The following NAALADL2 variants were observed in gnomAD, a reference collection of about 807,000 sequenced individuals.
NAALADL2 encodes inactive N-acetylated-alpha-linked acidic dipeptidase-like protein 2.
Under a neutral mutation model 87.2 loss-of-function variants are expected in NAALADL2, and 76 were observed. The observed-to-expected ratio is 0.87, with a 90% CI of 0.72 to 1.05. NAALADL2 has a LOEUF of 1.05. Ranked by LOEUF, NAALADL2 falls within the 50% of genes least tolerant of loss-of-function variation. NAALADL2 has a pLI of 0.00. For synonymous variants in NAALADL2, 354 were observed against 331.0 expected, an observed-to-expected ratio of 1.07 and a Z score of -0.75; for missense variants, 1,089 against 945.8, an observed-to-expected ratio of 1.15 and a Z score of -1.99.
chr3:175,793,327 G>A (rs142426436), intron 13 of NAALADL2, among the ~76,000 whole-genome samples: 1,993 of 109,396 alleles, frequency 0.018, 57 homozygotes, highest in African/African-American at 0.069. Flanking sequence ...TTTTTTTTTC[G>A]AGACGGAGTC....
intron 5 of NAALADL2, among the ~76,000 whole-genome samples, chr3:175,338,646 C>T (rs1400751642): frequency 7.2e-6 from 1 of 139,592 alleles, no homozygotes; most frequent in Non-Finnish European, 1.5e-5. Context: ...CACACACACA[C>T]ACACACACAC....
intron 2 of NAALADL2, among the ~76,000 whole-genome samples, chr3:175,150,515 C>T (rs1301058028): frequency 1.3e-5 from 2 of 152,104 alleles, no homozygotes; most frequent in Non-Finnish European, 2.9e-5. Flanking sequence ...ATGGTGAGTG[C>T]ACCCACAAAA....
chr3:175,392,284 C>T (rs1489323320), intron 5 of NAALADL2, among the ~76,000 whole-genome samples: 1 of 152,102 alleles, frequency 6.6e-6, no homozygotes. Flanking sequence ...TACTTAGAAA[C>T]GTTAAAGCTG....
chr3:175,279,000 A>C (rs1753941919), intron 4 of NAALADL2, among the ~76,000 whole-genome samples: 1 of 152,192 alleles, frequency 6.6e-6, no homozygotes, highest in Non-Finnish European at 1.5e-5. Context: ...AGATGAAGTG[A>C]GCATACGGTT....
chr3:175,088,871 C>CT (rs1335608452), intron 1 of NAALADL2, among the ~76,000 whole-genome samples: 2 of 152,266 alleles, frequency 1.3e-5, no homozygotes, highest in East Asian at 3.9e-4. Context: ...TTGAAGCCTT[C>CT]TTTTTCCAGT....
At chr3:174,477,517 G>T (rs1301676652) in intron 1 of NAALADL2, among the ~76,000 whole-genome samples, 1 of 152,182 alleles carries the variant, frequency 6.6e-6, no homozygotes, top group Admixed American at 6.5e-5. Context: ...AAAACATCAT[G>T]TTGGGTGAAA....
chr3:175,131,943 G>T (rs1728020260), intron 2 of NAALADL2, among the ~76,000 whole-genome samples: 1 of 122,624 alleles, frequency 8.2e-6, no homozygotes, highest in African/African-American at 3.2e-5. Context: ...AGTAGGGGTG[G>T]CCGGGCAGAG....
chr3:174,588,780 G>A (rs1483001729), intron 2 of NAALADL2, among the ~76,000 whole-genome samples: 5 of 152,112 alleles, frequency 3.3e-5, no homozygotes, highest in Admixed American at 2.6e-4. Flanking sequence ...AGTGTCAATC[G>A]GCCCCTACTG....
intron 2 of NAALADL2, among the ~76,000 whole-genome samples, chr3:175,109,910 CT>C (rs1420240272): frequency 3.3e-5 from 5 of 151,958 alleles, no homozygotes; most frequent in African/African-American, 1.2e-4. Context: ...TCCCCTGTTG[CT>C]GAATTTCTAT....
chr3:174,792,990 A>C (rs1044031771), intron 3 of NAALADL2, among the ~76,000 whole-genome samples: 1 of 152,076 alleles, frequency 6.6e-6, no homozygotes. Flanking sequence ...AAAAATAGTC[A>C]CTTTATCTTC....
rs368834104 is a variant in NAALADL2 at position 175,507,614 on chromosome 3, G to A, written c.1653+35856G>A. 2.2e-4 allele frequency among the ~76,000 whole-genome samples: 33 copies of A among 152,170 alleles called. 2 individuals are homozygous for A. The East Asian group carries it at 5.8e-3, about 27-fold the overall frequency. On this transcript the variant is annotated intron_variant, in intron 9 of 13. Coordinates refer to ENST00000454872, the MANE Select transcript of NAALADL2 (RefSeq NM_207015.3). ...ATTTTTTGTACTTTTAGTAGAGATG[G>A]CGTTTCACCATGTTGGCCAGGCTGG...
chr3:175,252,053 A>G (rs1157615793), intron 3 of NAALADL2, among the ~76,000 whole-genome samples: 1 of 152,192 alleles, frequency 6.6e-6, no homozygotes, highest in African/African-American at 2.4e-5. Context: ...GACTCAGCCT[A>G]TTGATATGTT....
At chr3:174,678,062 A>C (rs1484109897) in intron 2 of NAALADL2, among the ~76,000 whole-genome samples, 1 of 152,142 alleles carries the variant, frequency 6.6e-6, no homozygotes, top group Non-Finnish European at 1.5e-5. Context: ...ATAATGGCAA[A>C]AGAGCATCAT....
chr3:174,811,020 A>G (rs1720127554), intron 3 of NAALADL2, among the ~76,000 whole-genome samples: 1 of 152,208 alleles, frequency 6.6e-6, no homozygotes, highest in Non-Finnish European at 1.5e-5. Flanking sequence ...TGGCTCCCAC[A>G]TGGTGTTAAG....
chr3:175,400,563 C>A (rs1862079), intron 5 of NAALADL2, among the ~76,000 whole-genome samples: 78,996 of 151,486 alleles, frequency 0.52, 21,395 homozygotes, highest in East Asian at 0.59. Context: ...AGCACTGAGT[C>A]AAGCAAAATG....
chr3:175,562,615 T>G (rs1383359141), intron 9 of NAALADL2, among the ~76,000 whole-genome samples: 1 of 151,918 alleles, frequency 6.6e-6, no homozygotes, highest in Non-Finnish European at 1.5e-5. Context: ...TCTGTAATTA[T>G]GTAGTGTTAG....
intron 9 of NAALADL2, among the ~76,000 whole-genome samples, chr3:175,555,726 T>C (rs1715162099): frequency 6.6e-6 from 1 of 152,184 alleles, no homozygotes; most frequent in African/African-American, 2.4e-5. Flanking sequence ...TAAATATCTC[T>C]GATTATTTAC....
intron 1 of NAALADL2, among the ~76,000 whole-genome samples, chr3:175,015,400 A>G (rs1029679983): frequency 1.3e-5 from 2 of 152,150 alleles, no homozygotes; most frequent in Admixed American, 1.3e-4. Context: ...CTGTTCTGCC[A>G]TTAGAGAAGT....
chr3:175,233,323 T>C (rs1455065388), intron 2 of NAALADL2, among the ~76,000 whole-genome samples: 2 of 152,228 alleles, frequency 1.3e-5, no homozygotes, highest in Non-Finnish European at 2.9e-5. Context: ...CTTTTAAGTG[T>C]ATTATGTTGA....
Sources: gnomAD v4.1 joint callset for allele counts (sites outside exome capture counted in the v4.1 genomes callset) on GRCh38, gnomAD v4.1.1 for gene constraint, MANE v1.5 for transcripts, NCBI Gene and HGNC (gene_info 2026-07-23, HGNC 2026-07-21) for gene names.